The following DDX59 variants were observed in gnomAD, a reference collection of about 807,000 sequenced individuals.
DDX59 encodes the protein probable ATP-dependent RNA helicase DDX59.
DDX59 carries 30 observed loss-of-function variants against 51.9 expected under a neutral mutation model. That is an observed-to-expected ratio of 0.58 (90% CI 0.43 to 0.78). The LOEUF is 0.78. Among genes scored for constraint, DDX59 ranks in the 30% least tolerant of loss-of-function variants. DDX59 has a pLI of 0.00. For missense variants in DDX59, 672 were observed against 730.8 expected (o/e 0.92, Z 0.93); for synonymous variants, 255 against 253.3 (o/e 1.01, Z -0.06).
chr1:200,663,863 A>G, intron 3 of DDX59, 56 bp downstream of exon 3: 1 of 1,385,266 alleles, frequency 7.2e-7, no homozygotes, highest in Non-Finnish European at 9.4e-7. Context: ...AAAAAACACT[A>G]GTTCCTGTAT....
At chr1:200,657,105 C>A (rs1662073302) in intron 4 of DDX59, among the ~76,000 whole-genome samples, 1 of 151,978 alleles carries the variant, frequency 6.6e-6, no homozygotes. Flanking sequence ...CAAAAATTAG[C>A]CAGGCTTGGT....
chr1:200,648,676 A>C lies in DDX59; in HGVS notation c.1468-109T>G, dbSNP rs920111954. 3 of 1,312,816 alleles carry C rather than the reference A, an allele frequency of 2.3e-6. No individual in the cohort carries two copies. In the Admixed American group the frequency reaches 7.1e-5, roughly 31 times the overall value. 81.3% of individuals were successfully genotyped at this position (1,312,816 alleles called of 1,614,324 possible). On this transcript the variant is annotated intron_variant, in intron 6 of 7. Transcript: ENST00000331314. ...TGCTTACTTCAATATTTTTATTGCA[A>C]TATTTTTTCAATAAGTAAAGGTCAT...
intron 2 of DDX59, 127 bp from the exon 3 acceptor site, chr1:200,664,213 C>T: frequency 1.0e-6 from 1 of 963,306 alleles, no homozygotes; most frequent in Non-Finnish European, 1.5e-6. Context: ...ATGAGTCCTC[C>T]TGCCTTCTGC....
intron 3 of DDX59, 91 bp from the exon 4 acceptor site, chr1:200,659,207 A>G (rs1226922226): frequency 2.1e-6 from 2 of 968,708 alleles, no homozygotes; most frequent in Non-Finnish European, 3.2e-6. Context: ...AATATGTACC[A>G]GACACTGTGT....
intron 1 of DDX59, among the ~76,000 whole-genome samples, chr1:200,669,130 C>T (rs1662981675): frequency 6.6e-6 from 1 of 152,112 alleles, no homozygotes; most frequent in African/African-American, 2.4e-5. Flanking sequence ...TTCATCAACC[C>T]ATATCTATAC....
At chr1:200,655,794 C>T (rs1035625460) in intron 4 of DDX59, among the ~76,000 whole-genome samples, 1 of 152,144 alleles carries the variant, frequency 6.6e-6, no homozygotes, top group South Asian at 2.1e-4. Flanking sequence ...CTCCTTCTGA[C>T]CTTATTTCTT....
chr1:200,659,127 G>C lies in DDX59; in HGVS notation c.973-11C>G. On this transcript the variant is annotated splice_polypyrimidine_tract_variant and intron_variant, in intron 3 of 7. Transcript: ENST00000331314. ...GGTTGCTATGATAACCTAAATAAAA[G>C]AGAAAAAGCAAATTAAAAAAATCAG... is the stretch of plus-strand genomic sequence containing the variant. The C allele has an allele frequency of 1.9e-6, 3 of 1,599,316 alleles. No homozygotes were observed. The South Asian group carries it at 3.4e-5, about 18-fold the overall frequency.
chr1:200,665,063 T>C (rs2102923192), intron 2 of DDX59, among the ~76,000 whole-genome samples: 1 of 152,334 alleles, frequency 6.6e-6, no homozygotes, highest in Admixed American at 6.5e-5. Context: ...TTACTCAAAA[T>C]GTTTGTTAAA....
chr1:200,650,465 T>C lies in DDX59; in HGVS notation c.1274A>G (p.Glu425Gly), dbSNP rs771458131. ...ANVRQIILWVEDPAKKKKLFE... is the reference protein window; with the variant it reads ...ANVRQIILWVGDPAKKKKLFE... Reference sequence around the variant, plus strand: ...TAATTTTTTCTTTTTGGCTGGGTCTTCTACCCACAAAATAATCTGACGTAC... The same window carrying C: ...TAATTTTTTCTTTTTGGCTGGGTCTCCTACCCACAAAATAATCTGACGTAC... The change falls in exon 5 of 8, where the codon GAA becomes GGA. Residue 425 changes from glutamate to glycine, a missense_variant. Glu to Gly is a moderately conservative substitution (Grantham distance 98, BLOSUM62 -2). Transcript: ENST00000331314. The C allele has an allele frequency of 6.2e-7, 1 of 1,613,892 alleles. No individual in the cohort carries two copies. Among genetic ancestry groups the C allele is most frequent in the East Asian group, 2.2e-5 (1 of 44,862 alleles).
chr1:200,658,184 CAT>C (rs887972079), intron 4 of DDX59, among the ~76,000 whole-genome samples: 8 of 151,990 alleles, frequency 5.3e-5, no homozygotes, highest in East Asian at 1.9e-4. Context: ...GCTGGTGAGA[CAT>C]GTGGGAAGAT....
intron 4 of DDX59, among the ~76,000 whole-genome samples, chr1:200,655,987 C>T (rs576417255): frequency 2.0e-5 from 3 of 152,138 alleles, no homozygotes; most frequent in South Asian, 2.1e-4. Flanking sequence ...CGCGCCACCA[C>T]GCCCAGCTAA....
At chr1:200,650,079 C>T (rs1250035441) in intron 5 of DDX59, among the ~76,000 whole-genome samples, 5 of 152,058 alleles carry the variant, frequency 3.3e-5, no homozygotes, top group Admixed American at 1.3e-4. Context: ...CTCCTGACCT[C>T]GTGATCTGCC....
chr1:200,650,234 G>A (rs530066703), intron 5 of DDX59, among the ~76,000 whole-genome samples, 191 bp downstream of exon 5: 9 of 152,202 alleles, frequency 5.9e-5, no homozygotes, highest in East Asian at 3.9e-4. Flanking sequence ...ACCCAACCCT[G>A]TATCTATCCA....
chr1:200,666,678 C>A lies in DDX59; in HGVS notation c.63G>T (p.Val21=). The change falls in exon 2 of 8, where the codon GTG becomes GTT. Residue 21 remains valine (V), a synonymous_variant. Transcript: ENST00000331314. Reference sequence around the variant, plus strand: ...CTGGGTCTGGTTTAATTATCTTAGCCACACAACTTTTGCCATCATCATTAG... The same window carrying A: ...CTGGGTCTGGTTTAATTATCTTAGCAACACAACTTTTGCCATCATCATTAG... ...RNANDDGKSC[V]AKIIKPDPED... is the part of the protein sequence containing the mutation. 1 of 1,614,172 alleles carries A rather than the reference C, an allele frequency of 6.2e-7. No individual in the cohort carries two copies. The highest frequency in any genetic ancestry group is 8.5e-7 in the Non-Finnish European group (1 of 1,180,008).
chr1:200,641,095 G>T, downstream of DDX59: 2 of 1,117,996 alleles, frequency 1.8e-6, no homozygotes, highest in Non-Finnish European at 2.4e-6. Flanking sequence ...TTTACTGGTG[G>T]CTGCCAGGAA....
At chr1:200,645,917 CTTAA>C (rs1342661309) in intron 7 of DDX59, among the ~76,000 whole-genome samples, 9 of 151,992 alleles carry the variant, frequency 5.9e-5, no homozygotes, top group South Asian at 2.1e-4. Flanking sequence ...TTATACCTGA[CTTAA>C]TTAAATTACT....
At chr1:200,667,542 T>C (rs900757801) in intron 1 of DDX59, among the ~76,000 whole-genome samples, 2 of 152,218 alleles carry the variant, frequency 1.3e-5, no homozygotes, top group East Asian at 1.9e-4. Context: ...CTGCTCAACA[T>C]AGCCTTGTAC....
At chr1:200,649,745 T>A (rs1661533793) in intron 5 of DDX59, among the ~76,000 whole-genome samples, 1 of 151,982 alleles carries the variant, frequency 6.6e-6, no homozygotes, top group Non-Finnish European at 1.5e-5. Context: ...TAATTTTCCA[T>A]CACTTAATAC....
downstream of DDX59, chr1:200,641,009 T>G: frequency 3.1e-6 from 1 of 326,808 alleles, no homozygotes; most frequent in East Asian, 7.7e-5. Context: ...GTTTTCACAC[T>G]GTGGCCCTAG....
Sources: allele counts gnomAD v4.1 joint callset (sites outside exome capture counted in the v4.1 genomes callset), GRCh38; gene constraint gnomAD v4.1.1; transcripts MANE v1.5; gene names NCBI Gene and HGNC (gene_info 2026-07-23, HGNC 2026-07-21).